STK17B: variants seen among roughly 807,000 people sequenced by gnomAD.
The protein encoded by STK17B is serine/threonine-protein kinase 17B.
In STK17B, 21 loss-of-function variants were observed where a neutral mutation model predicts 42.0. The observed-to-expected ratio is 0.50, with a 90% CI of 0.35 to 0.72. STK17B has a LOEUF of 0.72. STK17B is among the 30% of genes least tolerant of loss of function. STK17B has a pLI of 0.00. For synonymous variants in STK17B, 143 were observed against 148.4 expected (o/e 0.96, Z 0.26); for missense variants, 349 against 446.0 (o/e 0.78, Z 1.96).
chr2:196,174,093 C>T (rs778908194), upstream of STK17B, among the ~76,000 whole-genome samples: 2 of 152,164 alleles, frequency 1.3e-5, no homozygotes, highest in African/African-American at 2.4e-5. Flanking sequence ...TGATCAACAG[C>T]CTCTAGCCTC....
At chr2:196,150,345 T>A (rs1306948894) in intron 3 of STK17B, among the ~76,000 whole-genome samples, 2 of 152,160 alleles carry the variant, frequency 1.3e-5, no homozygotes, top group Non-Finnish European at 2.9e-5. Context: ...CAAAAGAAAT[T>A]TAGAAATTCA....
intron 2 of STK17B, among the ~76,000 whole-genome samples, chr2:196,160,876 G>A (rs376012048): frequency 3.9e-4 from 59 of 152,086 alleles, no homozygotes; most frequent in African/African-American, 1.4e-3. Context: ...TATTTATGGT[G>A]GCACCTCATT....
chr2:196,172,675 CTGTT>C (rs1457151138), upstream of STK17B, among the ~76,000 whole-genome samples: 1 of 152,182 alleles, frequency 6.6e-6, no homozygotes, highest in Non-Finnish European at 1.5e-5. Context: ...TTTATGAAGT[CTGTT>C]TGTTGTTACT....
In STK17B at chr2:196,162,191, A is replaced by T. The variant is rs538950994; in HGVS notation, c.122+1071T>A. Among the ~76,000 whole-genome samples, 2 of 152,344 alleles carry T rather than the reference A, an allele frequency of 1.3e-5. 1 individual carries two copies. Among genetic ancestry groups the T allele is most frequent in the South Asian group, 4.1e-4 (2 of 4,830 alleles). ...TAAATAACTTGGTATATCTTTTATA[A>T]CTTTTCATATATTAAAATGGTAGTA... is the stretch of plus-strand genomic sequence containing the variant. On this transcript the variant is annotated intron_variant, in intron 2 of 7. Coordinates refer to ENST00000263955, the MANE Select transcript of STK17B (RefSeq NM_004226.4).
chr2:196,174,371 C>T (rs937506130), upstream of STK17B: 1 of 152,268 alleles, frequency 6.6e-6, no homozygotes, highest in Admixed American at 6.5e-5. Flanking sequence ...ACATAATGAT[C>T]AAGGAAAGTG....
chr2:196,149,930 C>G (rs1031498108), intron 3 of STK17B, among the ~76,000 whole-genome samples: 1 of 152,076 alleles, frequency 6.6e-6, no homozygotes, highest in African/African-American at 2.4e-5. Flanking sequence ...ATCACACTGT[C>G]TCTTCCTTTT....
At chr2:196,160,198 A>C (rs1383254618) in intron 2 of STK17B, among the ~76,000 whole-genome samples, 2 of 151,960 alleles carry the variant, frequency 1.3e-5, no homozygotes, top group Non-Finnish European at 2.9e-5. Context: ...TCTAGTAGTT[A>C]CCCTTCTGCA....
chr2:196,173,121 C>A (rs1699967637), upstream of STK17B, among the ~76,000 whole-genome samples: 1 of 152,168 alleles, frequency 6.6e-6, no homozygotes, highest in Admixed American at 6.5e-5. Context: ...TCACTTCACA[C>A]CTAGACACAG....
upstream of STK17B, among the ~76,000 whole-genome samples, chr2:196,175,971 T>G (rs1699993598): frequency 6.6e-6 from 1 of 152,178 alleles, no homozygotes; most frequent in Admixed American, 6.5e-5. Context: ...GTGGTACATA[T>G]CTGAACAATA....
chr2:196,142,176 A>G (rs932018771), intron 5 of STK17B, among the ~76,000 whole-genome samples: 1 of 152,120 alleles, frequency 6.6e-6, no homozygotes, highest in Admixed American at 6.6e-5. Context: ...CTCCTGCCTC[A>G]GCCTCCCAAG....
chr2:196,146,446 G>A (rs1265859140), intron 3 of STK17B, among the ~76,000 whole-genome samples: 6 of 152,154 alleles, frequency 3.9e-5, no homozygotes, highest in African/African-American at 1.4e-4. Flanking sequence ...AAAGGTTGCA[G>A]TGAGCCGAGA....
intron 4 of STK17B, among the ~76,000 whole-genome samples, chr2:196,144,341 A>G (rs1462206753): frequency 1.3e-5 from 2 of 151,442 alleles, no homozygotes; most frequent in Non-Finnish European, 3.0e-5. Context: ...ATACAAAAAA[A>G]TCAGGCGTGG....
At chr2:196,143,388 T>TCAATA (rs3052608) in intron 5 of STK17B, among the ~76,000 whole-genome samples, 172 bp downstream of exon 5, 94,364 of 151,478 alleles carry the variant, frequency 0.62, 29,852 homozygotes, top group East Asian at 0.9. Flanking sequence ...ATACTTTTAT[T>TCAATA]CATTTCATTT....
upstream of STK17B, among the ~76,000 whole-genome samples, chr2:196,173,871 C>A (rs570425752): frequency 6.6e-6 from 1 of 152,066 alleles, no homozygotes; most frequent in African/African-American, 2.4e-5. Context: ...AGAGTATGAC[C>A]GTATGTGGAG....
intron 1 of STK17B, among the ~76,000 whole-genome samples, chr2:196,169,068 A>ATTT (rs571438990): frequency 2.7e-5 from 3 of 112,686 alleles, no homozygotes; most frequent in African/African-American, 1.0e-4. Context: ...TAGGAATACT[A>ATTT]TTTTTTTTTT....
intron 1 of STK17B, among the ~76,000 whole-genome samples, chr2:196,168,160 T>C (rs186592268): frequency 6.6e-6 from 1 of 152,310 alleles, no homozygotes; most frequent in Admixed American, 6.5e-5. Context: ...CCTCTAAAAA[T>C]CACAATAGGA....
chr2:196,147,455 A>G (rs905877036), intron 3 of STK17B, among the ~76,000 whole-genome samples: 13 of 152,226 alleles, frequency 8.5e-5, no homozygotes, highest in African/African-American at 3.1e-4. Flanking sequence ...GTTAGGAGCC[A>G]TAAGAAGAAA....
upstream of STK17B, chr2:196,176,442 C>T (rs1298943140): frequency 2.0e-5 from 3 of 152,204 alleles, no homozygotes; most frequent in Non-Finnish European, 4.4e-5. Context: ...CTGCTATGCT[C>T]CAGCCACAAA....
chr2:196,166,786 A>C (rs1699879263), intron 1 of STK17B, among the ~76,000 whole-genome samples: 1 of 152,216 alleles, frequency 6.6e-6, no homozygotes, highest in Non-Finnish European at 1.5e-5. Context: ...CAAAAGCAAG[A>C]CTATCTCTAT....
Sources: gnomAD v4.1 joint callset for allele counts (sites outside exome capture counted in the v4.1 genomes callset) on GRCh38, gnomAD v4.1.1 for gene constraint, MANE v1.5 for transcripts, NCBI Gene and HGNC (gene_info 2026-07-23, HGNC 2026-07-21) for gene names.